The following SYBU variants were observed in gnomAD, a reference collection of about 807,000 sequenced individuals.
SYBU encodes the protein GOLSYN A protein.
A neutral mutation model predicts 35.9 loss-of-function variants in SYBU; 21 were observed. The ratio of observed to expected loss-of-function variants is 0.58; its 90% CI spans 0.41 to 0.84. SYBU has a LOEUF of 0.84. Ranked by LOEUF, SYBU falls within the 40% of genes least tolerant of loss-of-function variation. The pLI is 0.00. For synonymous variants in SYBU, 319 were observed against 324.3 expected (o/e 0.98, Z 0.18); for missense variants, 768 against 848.2 (o/e 0.91, Z 1.17).
At chr8:109,645,524 A>G (rs1586939901), upstream of SYBU, 3 of 347,742 alleles carry the variant, frequency 8.6e-6, no homozygotes, top group East Asian at 1.5e-4. Flanking sequence ...CTGCTAAGGG[A>G]AGAGCACTGG....
At chr8:109,645,811 C>A (rs1412117177), upstream of SYBU, 1 of 171,782 alleles carries the variant, frequency 5.8e-6, no homozygotes, top group Admixed American at 5.5e-5. Flanking sequence ...GTGGCCTACG[C>A]CTACGGTTCT....
intron 2 of SYBU, among the ~76,000 whole-genome samples, chr8:109,629,140 C>T (rs1481327397): frequency 6.6e-6 from 1 of 152,008 alleles, no homozygotes; most frequent in Non-Finnish European, 1.5e-5. Context: ...ATGCAGAAGC[C>T]CAAGTAGTGA....
rs1419435711 is a variant in SYBU, at chr8:109,579,663, G to A, written c.734+136C>T. ...GCAGCCCTTGAGGAATGAGCCGAAT[G>A]TGGGAAAGAAAAATGCAGTGTCTTG... On this transcript the variant is annotated intron_variant, in intron 5 of 6. Transcript: ENST00000276646. 24 of 790,888 alleles carry A rather than the reference G, an allele frequency of 3.0e-5. No homozygotes were observed. The South Asian group carries it at 4.2e-4, about 14-fold the overall frequency. The allele number at this position is 790,888 out of a possible 1,614,324, so 49.0% of individuals were successfully genotyped here. A position where few individuals can be genotyped will look rare whatever the true frequency, so the allele number is the denominator to read the frequency against.
intron 3 of SYBU, among the ~76,000 whole-genome samples, chr8:109,615,313 G>A (rs575569069): frequency 3.3e-4 from 50 of 152,260 alleles, no homozygotes; most frequent in Admixed American, 1.2e-3. Flanking sequence ...GGAGATGGTC[G>A]CTTGGGGCTA....
At chr8:109,673,691 T>C (rs1234309756) in intron 1 of SYBU, among the ~76,000 whole-genome samples, 4 of 152,108 alleles carry the variant, frequency 2.6e-5, no homozygotes, top group South Asian at 2.1e-4. Context: ...ATTTGACGAA[T>C]TGACAGAAAT....
At chr8:109,607,097 C>T (rs1042813470) in intron 3 of SYBU, among the ~76,000 whole-genome samples, 35 of 151,966 alleles carry the variant, frequency 2.3e-4, no homozygotes, top group African/African-American at 7.8e-4. Flanking sequence ...TTTGTTTCTA[C>T]TAATTAATTT....
At chr8:109,608,774 T>C (rs1055578577) in intron 3 of SYBU, among the ~76,000 whole-genome samples, 1 of 152,212 alleles carries the variant, frequency 6.6e-6, no homozygotes, top group Non-Finnish European at 1.5e-5. Context: ...TTTATAATAA[T>C]AATAAAAGTG....
chr8:109,629,517 G>A (rs1036226350), intron 2 of SYBU, among the ~76,000 whole-genome samples: 2 of 152,180 alleles, frequency 1.3e-5, no homozygotes, highest in Non-Finnish European at 2.9e-5. Context: ...ATCCAGACAA[G>A]CTAACACCAG....
intron 1 of SYBU, among the ~76,000 whole-genome samples, chr8:109,653,248 T>TCAAA (rs1393035228): frequency 4.2e-5 from 6 of 142,952 alleles, no homozygotes; most frequent in African/African-American, 1.8e-4. Flanking sequence ...ACAAAAAAAA[T>TCAAA]TAAAAGGTAT....
At position 109,607,808 on chromosome 8, in the gene SYBU, T is replaced by TCACACACACACACACA. The variant is rs71305960; in HGVS notation, c.427+11018_427+11033dup. The TCACACACACACACACA allele has an allele frequency of 1.3e-3, 472 of 377,162 alleles. 2 individuals are homozygous for TCACACACACACACACA. Among genetic ancestry groups the TCACACACACACACACA allele is most frequent in the African/African-American group, 6.3e-3 (261 of 41,500 alleles). 23.4% of individuals were successfully genotyped at this position (377,162 alleles called of 1,614,324 possible). The stretch of plus-strand genomic sequence containing the variant: ...TCCATTTTGGCCTACCACAACTAAC[T>TCACACACACACACACA]CACACACACACACACACACACACAC... On this transcript the variant is annotated intron_variant, in intron 3 of 6. Coordinates refer to ENST00000276646, the MANE Select transcript of SYBU (RefSeq NM_001099754.2).
At chr8:109,600,673 T>C (rs550567961) in intron 3 of SYBU, among the ~76,000 whole-genome samples, 20 of 152,238 alleles carry the variant, frequency 1.3e-4, no homozygotes, top group African/African-American at 4.6e-4. Flanking sequence ...ATTCTGAAAA[T>C]CACAAACTGC....
At chr8:109,577,543 G>A (rs1312102066) in intron 6 of SYBU, among the ~76,000 whole-genome samples, 4 of 151,014 alleles carry the variant, frequency 2.6e-5, no homozygotes, top group Admixed American at 2.6e-4. Context: ...TCCCGCACGT[G>A]TTTTTGCCAT....
At position 109,586,040 on chromosome 8, in the gene SYBU, G is replaced by A. The variant is rs1189098204; in HGVS notation, c.530+20C>T. On this transcript the variant is annotated intron_variant, in intron 4 of 6. Coordinates refer to ENST00000276646, the MANE Select transcript of SYBU (RefSeq NM_001099754.2). ...ACCTGTGTAAAGCGTCTTAATTACA[G>A]AGCAGGAGATGGTGCCTACTTGCGT... The A allele has an allele frequency of 1.9e-6, 3 of 1,582,454 alleles. No homozygotes were observed. The highest frequency in any genetic ancestry group is 2.6e-6 in the Non-Finnish European group (3 of 1,158,398).
chr8:109,578,746 G>A (rs936759237), intron 5 of SYBU, among the ~76,000 whole-genome samples: 11 of 152,126 alleles, frequency 7.2e-5, no homozygotes, highest in South Asian at 4.2e-4. Flanking sequence ...GGATGGGCCC[G>A]GGCAGAAGAG....
intron 1 of SYBU, among the ~76,000 whole-genome samples, chr8:109,654,343 A>G (rs1027765996): frequency 1.3e-5 from 2 of 152,136 alleles, no homozygotes; most frequent in Non-Finnish European, 2.9e-5. Flanking sequence ...GTTTAATCTG[A>G]TGGCTAGTTT....
chr8:109,574,887 CG>C lies in SYBU; in HGVS notation c.*18del. 2.0e-6 allele frequency: 3 copies of C among 1,511,030 alleles called. No homozygotes were observed. Among genetic ancestry groups the C allele is most frequent in the Non-Finnish European group, 2.7e-6 (3 of 1,129,676 alleles). 93.6% of individuals were successfully genotyped at this position (1,511,030 alleles called of 1,614,324 possible). On this transcript the variant is annotated 3_prime_UTR_variant, in exon 7 of 7. Coordinates refer to ENST00000276646, the MANE Select transcript of SYBU (RefSeq NM_001099754.2). Reference sequence around the variant, plus strand: ...AACCCACATGGGACACATTGGCACACGGTAACAACAACTTCTATTTAGGTTT... The same window carrying C: ...AACCCACATGGGACACATTGGCACACGTAACAACAACTTCTATTTAGGTTT...
At position 109,576,032 on chromosome 8, in the gene SYBU, C is replaced by T. The variant is rs751496709; in HGVS notation, c.885-19G>A. 20 of 758,472 alleles carry T rather than the reference C, an allele frequency of 2.6e-5. No individual in the cohort carries two copies. The African/African-American group carries it at 3.8e-4, about 14-fold the overall frequency. 47.0% of individuals were successfully genotyped at this position (758,472 alleles called of 1,614,324 possible). ...ACTTTCCCTAGAGTGCCAAGACAAG[C>T]ATGGTTAATTAAAAAAAAAAAAAAA... On this transcript the variant is annotated intron_variant, in intron 6 of 6. Coordinates refer to ENST00000276646, the MANE Select transcript of SYBU (RefSeq NM_001099754.2).
chr8:109,670,418 G>A (rs1816937201), intron 1 of SYBU, among the ~76,000 whole-genome samples: 1 of 150,992 alleles, frequency 6.6e-6, no homozygotes, highest in African/African-American at 2.4e-5. Flanking sequence ...TTAACAATTA[G>A]ACTTTTCTTA....
chr8:109,582,477 A>G (rs1420902031), intron 4 of SYBU, among the ~76,000 whole-genome samples: 1 of 152,162 alleles, frequency 6.6e-6, no homozygotes, highest in Non-Finnish European at 1.5e-5. Flanking sequence ...TCTGGTGGAC[A>G]AGAAAAACGC....
Sources: allele counts gnomAD v4.1 joint callset (sites outside exome capture counted in the v4.1 genomes callset), GRCh38; gene constraint gnomAD v4.1.1; transcripts MANE v1.5; gene names NCBI Gene and HGNC (gene_info 2026-07-23, HGNC 2026-07-21).